The following GPBP1 variants were observed in gnomAD, a reference collection of about 807,000 sequenced individuals.
The protein encoded by GPBP1 is vasculin.
GPBP1 carries 13 observed loss-of-function variants against 56.5 expected under a neutral mutation model. The observed-to-expected ratio is 0.23, with a 90% confidence interval of 0.15 to 0.37. The LOEUF (loss-of-function observed/expected upper bound fraction) is 0.37, where lower values mean the gene tolerates loss of function less well. GPBP1 is among the 10% of genes least tolerant of loss of function. The pLI is 1.00. For missense variants in GPBP1, 477 were observed against 572.3 expected (o/e 0.83, Z 1.70); for synonymous variants, 204 against 188.9 (o/e 1.08, Z -0.66).
At chr5:57,249,259 A>G in intron 8 of GPBP1, 150 bp from the exon 9 acceptor site, 1 of 528,270 alleles carries the variant, frequency 1.9e-6, no homozygotes, top group Non-Finnish European at 3.3e-6. Context: ...AGGGGAAAAA[A>G]CAGGGATAGA....
chr5:57,190,224 G>C (rs553143293), intron 2 of GPBP1, among the ~76,000 whole-genome samples: 1 of 151,266 alleles, frequency 6.6e-6, no homozygotes, highest in Non-Finnish European at 1.5e-5. Context: ...ATTTTTAACT[G>C]CTTGGGGACT....
chr5:57,242,067 T>C (rs1740861797), intron 6 of GPBP1, among the ~76,000 whole-genome samples: 1 of 152,238 alleles, frequency 6.6e-6, no homozygotes, highest in Admixed American at 6.5e-5. Context: ...TTCTTTTTCT[T>C]AAATGAGCAG....
At position 57,176,020 on chromosome 5, in the gene GPBP1, C is replaced by G; in HGVS notation, c.-438C>G. On this transcript the variant is annotated 5_prime_UTR_variant, in exon 2 of 12. Coordinates refer to ENST00000506184, the MANE Select transcript of GPBP1 (RefSeq NM_022913.4). ...CGGCAGCATGGTAGTATTGAGATAG[C>G]TATGTGTGTCTCTGTATATGCTGAT... The G allele has an allele frequency of 2.5e-6, 1 of 398,408 alleles. No individual in the cohort carries two copies. The highest frequency in any genetic ancestry group is 4.4e-6 in the Non-Finnish European group (1 of 226,020). 24.7% of individuals were successfully genotyped at this position (398,408 alleles called of 1,614,324 possible).
chr5:57,174,120 C>G lies in GPBP1; in HGVS notation c.-1102C>G, dbSNP rs1392069066. On this transcript the variant is annotated 5_prime_UTR_variant, in exon 1 of 12. Transcript: ENST00000506184. ...CTGGTTGTGGGGGAGGGAAAAGCGG[C>G]AAAAGGGGATTATTCAAAGTACCGA... The G allele has an allele frequency of 1.3e-5, 2 of 153,174 alleles. No individual in the cohort carries two copies. Among genetic ancestry groups the G allele is most frequent in the African/African-American group, 4.8e-5 (2 of 41,442 alleles). 9.5% of individuals were successfully genotyped at this position (153,174 alleles called of 1,614,324 possible).
chr5:57,258,240 A>C (rs1008333697), intron 10 of GPBP1, among the ~76,000 whole-genome samples: 1 of 152,248 alleles, frequency 6.6e-6, no homozygotes, highest in Non-Finnish European at 1.5e-5. Context: ...TAAGGGTTAC[A>C]GTAATATAGT....
intron 3 of GPBP1, among the ~76,000 whole-genome samples, chr5:57,229,686 C>T (rs556145436): frequency 6.6e-6 from 1 of 151,796 alleles, no homozygotes; most frequent in East Asian, 2.0e-4. Flanking sequence ...AGGCGTGTGC[C>T]ACCACACATG....
chr5:57,237,963 A>G (rs1206719188), intron 6 of GPBP1, among the ~76,000 whole-genome samples: 1 of 152,208 alleles, frequency 6.6e-6, no homozygotes, highest in Non-Finnish European at 1.5e-5. Context: ...TAAGTGATTT[A>G]TAATATAGCT....
At chr5:57,221,751 A>G (rs904351116) in intron 3 of GPBP1, among the ~76,000 whole-genome samples, 12 of 152,212 alleles carry the variant, frequency 7.9e-5, no homozygotes, top group African/African-American at 2.9e-4. Context: ...TACTGTACCA[A>G]AACTTTCCTT....
intron 2 of GPBP1, among the ~76,000 whole-genome samples, chr5:57,179,487 A>G (rs1753945717): frequency 6.6e-6 from 1 of 152,198 alleles, no homozygotes; most frequent in Non-Finnish European, 1.5e-5. Flanking sequence ...TGCTGGGATT[A>G]CAGGCCTAAA....
intron 10 of GPBP1, among the ~76,000 whole-genome samples, chr5:57,255,061 T>A (rs1487570054): frequency 2.6e-5 from 4 of 152,220 alleles, no homozygotes; most frequent in Non-Finnish European, 5.9e-5. Context: ...TTTCAGAATT[T>A]TTTTGATCAT....
chr5:57,240,270 T>C (rs1480368996), intron 6 of GPBP1, among the ~76,000 whole-genome samples: 2 of 151,948 alleles, frequency 1.3e-5, no homozygotes, highest in African/African-American at 4.8e-5. Context: ...AAATGAAAAC[T>C]TGATTAATTC....
rs776236581 is a variant in GPBP1 at position 57,183,636 on chromosome 5, G to GC, written c.-58+7243dup. Reference sequence around the variant, plus strand: ...GTAGCCTATGCACCAAACAAGAACCGCCCCCCCATCTCAAAAAAAGAATTA... The same window carrying GC: ...GTAGCCTATGCACCAAACAAGAACCGCCCCCCCCATCTCAAAAAAAGAATTA... On this transcript the variant is annotated intron_variant, in intron 2 of 11. Coordinates refer to ENST00000506184, the MANE Select transcript of GPBP1 (RefSeq NM_022913.4). 1.6e-4 allele frequency among the ~76,000 whole-genome samples: 24 copies of GC among 151,846 alleles called. 1 individual carries two copies. The highest frequency in any genetic ancestry group is 5.3e-4 in the Admixed American group (8 of 15,220).
intron 10 of GPBP1, among the ~76,000 whole-genome samples, chr5:57,256,780 G>C (rs190119075): frequency 1.3e-3 from 200 of 152,160 alleles, no homozygotes; most frequent in African/African-American, 4.6e-3. Context: ...TTCTTAGTTT[G>C]AGTTTCCTTG....
intron 2 of GPBP1, among the ~76,000 whole-genome samples, chr5:57,210,932 G>T (rs1227206088): frequency 6.6e-6 from 1 of 152,086 alleles, no homozygotes; most frequent in African/African-American, 2.4e-5. Flanking sequence ...CTTCTTTAAA[G>T]ACCTTATCTT....
intron 2 of GPBP1, among the ~76,000 whole-genome samples, chr5:57,176,777 C>T (rs1028158352): frequency 2.6e-5 from 4 of 152,130 alleles, no homozygotes; most frequent in African/African-American, 7.2e-5. Context: ...AGTTTGTATT[C>T]TAAATGCGTG....
At chr5:57,189,636 C>T (rs1579981633) in intron 2 of GPBP1, among the ~76,000 whole-genome samples, 1 of 152,234 alleles carries the variant, frequency 6.6e-6, no homozygotes, top group Admixed American at 6.5e-5. Context: ...TCATTATTCA[C>T]AGAGCAGTGA....
At position 57,190,694 on chromosome 5, in the gene GPBP1, C is replaced by CTT. The variant is rs773540051; in HGVS notation, c.-58+14321_-58+14322dup. On this transcript the variant is annotated intron_variant, in intron 2 of 11. Transcript: ENST00000506184. ...AGACTGGCTTTGGATTTGCTGTTAG[C>CTT]TTTTTTTTTTTTTTTTTTTTTTTTT... is the stretch of plus-strand genomic sequence containing the variant. Among the ~76,000 whole-genome samples, 143 of 68,872 alleles carry CTT rather than the reference C, an allele frequency of 2.1e-3. 26 individuals are homozygous for CTT. The highest frequency in any genetic ancestry group is 0.011 in the Middle Eastern group (1 of 92). 45.2% of individuals were successfully genotyped at this position (68,872 alleles called of 152,430 possible). A position where few individuals can be genotyped will look rare whatever the true frequency, so the allele number is the denominator to read the frequency against.
At chr5:57,233,254 G>A (rs116301375) in intron 5 of GPBP1, among the ~76,000 whole-genome samples, 2,412 of 152,210 alleles carry the variant, frequency 0.016, 26 homozygotes, top group Middle Eastern at 0.034. Context: ...TGATAGATTG[G>A]GTTTAGGGCG....
At position 57,214,811 on chromosome 5, in the gene GPBP1, A is replaced by G. The variant is rs547087135; in HGVS notation, c.63+618A>G. On this transcript the variant is annotated intron_variant, in intron 3 of 11. Transcript: ENST00000506184. Reference sequence around the variant, plus strand: ...TTTGGGATTACAGGTGTGGGTCACCATGCCTGACTAATTTTTGTATTTTTA... The same window carrying G: ...TTTGGGATTACAGGTGTGGGTCACCGTGCCTGACTAATTTTTGTATTTTTA... Among the ~76,000 whole-genome samples the G allele has an allele frequency of 8.5e-5, 13 of 152,230 alleles. No homozygotes were observed. In the East Asian group the frequency reaches 2.3e-3, roughly 27 times the overall value.
Sources: gnomAD v4.1 joint callset for allele counts (sites outside exome capture counted in the v4.1 genomes callset) on GRCh38, gnomAD v4.1.1 for gene constraint, MANE v1.5 for transcripts, NCBI Gene and HGNC (gene_info 2026-07-23, HGNC 2026-07-21) for gene names.